Variants in WDR86 observed in about 807,000 individuals in gnomAD.
WDR86 encodes the protein WD repeat domain 86, also known as WD repeat-containing protein 86.
WDR86 carries 30 observed loss-of-function variants against 36.5 expected under a neutral mutation model. The ratio of observed to expected loss-of-function variants is 0.82; its 90% CI spans 0.61 to 1.11. The LOEUF (loss-of-function observed/expected upper bound fraction) is 1.11. WDR86 is among the 50% of genes most tolerant of loss of function. WDR86 has a pLI of 0.00. For synonymous variants in WDR86, 255 were observed against 252.9 expected, an observed-to-expected ratio of 1.01 and a Z score of -0.08; for missense variants, 545 against 561.2, an observed-to-expected ratio of 0.97 and a Z score of 0.29.
upstream of WDR86, chr7:151,410,043 C>A (rs1801101084): frequency 4.0e-6 from 4 of 988,224 alleles, no homozygotes; most frequent in Non-Finnish European, 4.8e-6. Flanking sequence ...TACGGTCCAG[C>A]CTGGCTCCTC....
At chr7:151,398,486 G>A (rs915617328) in intron 2 of WDR86, among the ~76,000 whole-genome samples, 1 of 76,432 alleles carries the variant, frequency 1.3e-5, no homozygotes, top group East Asian at 5.8e-4. Context: ...AGGTGTGTAT[G>A]TGTATATGTG....
chr7:151,375,780 G>A (rs1271572233), downstream of WDR86: 4 of 1,044,316 alleles, frequency 3.8e-6, no homozygotes, highest in South Asian at 1.3e-5. Context: ...ACATGGCAGG[G>A]TGCAGCGCCT....
chr7:151,409,466 A>G lies in WDR86; in HGVS notation c.124T>C (p.Trp42Arg). 1.3e-6 allele frequency: 2 copies of G among 1,539,482 alleles called. No homozygotes were observed. Among genetic ancestry groups the G allele is most frequent in the Non-Finnish European group, 8.7e-7 (1 of 1,148,222 alleles). ...TGSEDGTARL[W>R]STADGQCCAL... ...CAGCACTGGCCGTCCGCGGTGCTCCAGAGCCGGGCCGTGCCGTCCTCGCTG... is the reference window on the plus strand; with the variant it reads ...CAGCACTGGCCGTCCGCGGTGCTCCGGAGCCGGGCCGTGCCGTCCTCGCTG... The change falls in exon 1 of 6, where the codon TGG becomes CGG. Residue 42 changes from tryptophan (W) to arginine (R), a missense_variant. By Grantham distance (101) the Trp-to-Arg change is moderately radical. Transcript: ENST00000334493. This position sits in a 1 kb window ranked among gnomAD's most constrained non-coding sequence, Gnocchi z 5.2.
chr7:151,403,900 G>T (rs1800521321), intron 1 of WDR86, among the ~76,000 whole-genome samples: 1 of 152,212 alleles, frequency 6.6e-6, no homozygotes, highest in African/African-American at 2.4e-5. Flanking sequence ...TGGGCATTCA[G>T]GTGCCAGGCA....
chr7:151,398,471 G>A (rs868744588), intron 2 of WDR86, among the ~76,000 whole-genome samples: 46 of 135,878 alleles, frequency 3.4e-4, no homozygotes, highest in Admixed American at 1.8e-3. Context: ...ACATGTGTAT[G>A]TGTAAGGTGT....
At chr7:151,402,799 T>C (rs1287833728) in intron 1 of WDR86, among the ~76,000 whole-genome samples, 1 of 152,164 alleles carries the variant, frequency 6.6e-6, no homozygotes, top group East Asian at 1.9e-4. Context: ...TTAGATAGCT[T>C]GACTATCACC....
chr7:151,406,971 C>T lies in WDR86; in HGVS notation c.163+2456G>A, dbSNP rs377287332. Among the ~76,000 whole-genome samples, 18 of 152,124 alleles carry T rather than the reference C, an allele frequency of 1.2e-4. 1 individual carries two copies. In the South Asian group the frequency reaches 2.3e-3, roughly 19 times the overall value. On this transcript the variant is annotated intron_variant, in intron 1 of 5. Coordinates refer to ENST00000334493, the MANE Select transcript of WDR86 (RefSeq NM_198285.3). The surrounding 1 kb of genome is among the most constrained non-coding windows in gnomAD (Gnocchi z 4.4). ...CTGCAGGAGAAAGGAACTGGCAACA[C>T]CTTGCTTTCTTTGGGGATCCACACA... is the stretch of plus-strand genomic sequence containing the variant.
intron 3 of WDR86, among the ~76,000 whole-genome samples, chr7:151,386,824 A>G (rs1799021607): frequency 6.6e-6 from 1 of 151,284 alleles, no homozygotes; most frequent in Admixed American, 6.6e-5. Context: ...CCTGGTTTCC[A>G]CTCCACACAC....
At chr7:151,370,325 G>T in the WDR86 span, among the ~76,000 whole-genome samples, 8 of 152,220 alleles carry the variant, frequency 5.3e-5, no homozygotes, top group Admixed American at 2.0e-4. Flanking sequence ...CTGACCTCAA[G>T]TGATCCTCCC....
At position 151,381,302 on chromosome 7, in the gene WDR86, T is replaced by G; in HGVS notation, c.*280A>C. On this transcript the variant is annotated 3_prime_UTR_variant, in exon 6 of 6. Coordinates refer to ENST00000334493, the MANE Select transcript of WDR86 (RefSeq NM_198285.3). This position sits in a 1 kb window ranked among gnomAD's most constrained non-coding sequence, Gnocchi z 4.8. Reference sequence around the variant, plus strand: ...GCCTGCAGCCCCTGAGGTGGGAGGGTCCCCAGGACTAGGCCTTTCGCCAGG... The same window carrying G: ...GCCTGCAGCCCCTGAGGTGGGAGGGGCCCCAGGACTAGGCCTTTCGCCAGG... 7.6e-7 allele frequency: 1 copy of G among 1,314,148 alleles called. No individual in the cohort carries two copies. Among genetic ancestry groups the G allele is most frequent in the South Asian group, 2.2e-5 (1 of 46,382 alleles). 81.4% of individuals were successfully genotyped at this position (1,314,148 alleles called of 1,614,324 possible).
At chr7:151,384,321 A>G (rs1251634946) in intron 4 of WDR86, among the ~76,000 whole-genome samples, 6 of 152,210 alleles carry the variant, frequency 3.9e-5, no homozygotes, top group Admixed American at 3.9e-4. Context: ...AATTCCTCAG[A>G]TAAAAGACTT....
At position 151,381,608 on chromosome 7, in the gene WDR86, C is replaced by T. The variant is rs914805975; in HGVS notation, c.1105G>A (p.Ala369Thr). ...SRLFSNKVGC[A>T]AAPLQPA ...CAGGCCGGCTGCAGGGGCGCGGCGG[C>T]GCAGCCCACCTTGTTGCTGAAGAGC... is the stretch of plus-strand genomic sequence containing the variant. The change falls in exon 6 of 6, where the codon GCC (alanine) becomes ACC (threonine). Residue 369 changes from alanine (A) to threonine (T), a missense_variant. Coordinates refer to ENST00000334493, the MANE Select transcript of WDR86 (RefSeq NM_198285.3). The surrounding 1 kb of genome is among the most constrained non-coding windows in gnomAD (Gnocchi z 4.8). The T allele has an allele frequency of 7.3e-7, 1 of 1,374,162 alleles. No individual in the cohort carries two copies. The highest frequency in any genetic ancestry group is 9.3e-7 in the Non-Finnish European group (1 of 1,074,410). 85.1% of individuals were successfully genotyped at this position (1,374,162 alleles called of 1,614,324 possible).
At chr7:151,404,747 G>A (rs117280087) in intron 1 of WDR86, among the ~76,000 whole-genome samples, 6,919 of 152,366 alleles carry the variant, frequency 0.045, 245 homozygotes, top group Middle Eastern at 0.092. Context: ...TGCTGAGGCT[G>A]ACGGTTTTCT....
At chr7:151,410,350 C>T (rs1801125060), upstream of WDR86, among the ~76,000 whole-genome samples, 1 of 152,210 alleles carries the variant, frequency 6.6e-6, no homozygotes, top group Non-Finnish European at 1.5e-5. Flanking sequence ...TCCACCGACC[C>T]CTCGGCTACT....
At chr7:151,374,540 G>A (rs574569506), downstream of WDR86, 39 of 462,032 alleles carry the variant, frequency 8.4e-5, no homozygotes, top group African/African-American at 4.5e-4. Context: ...AGAGTTTAGT[G>A]AAACAGGCAG....
At position 151,381,223 on chromosome 7, in the gene WDR86, T is replaced by A; in HGVS notation, c.*359A>T. 7.9e-7 allele frequency: 1 copy of A among 1,273,804 alleles called. No homozygotes were observed. The highest frequency in any genetic ancestry group is 9.9e-7 in the Non-Finnish European group (1 of 1,013,838). 78.9% of individuals were successfully genotyped at this position (1,273,804 alleles called of 1,614,324 possible). A position where few individuals can be genotyped will look rare whatever the true frequency, so the allele number is the denominator to read the frequency against. On this transcript the variant is annotated 3_prime_UTR_variant, in exon 6 of 6. Coordinates refer to ENST00000334493, the MANE Select transcript of WDR86 (RefSeq NM_198285.3). The surrounding 1 kb of genome is among the most constrained non-coding windows in gnomAD (Gnocchi z 4.8). ...TCAGTGGCTTCTGTAAAAAGTCACT[T>A]CCTCTCAGCAGGAAAGGCCCAGTTT... is the stretch of plus-strand genomic sequence containing the variant.
intron 2 of WDR86, among the ~76,000 whole-genome samples, 188 bp from the exon 3 acceptor site, chr7:151,396,384 C>A (rs952425026): frequency 2.0e-5 from 3 of 152,232 alleles, no homozygotes; most frequent in Non-Finnish European, 4.4e-5. Context: ...CCTGACTCCC[C>A]TCATGCCCAC....
rs149764438 is a variant in WDR86, at chr7:151,376,035, A to T, written n.1255T>A. On this transcript the variant is annotated non_coding_transcript_exon_variant, in exon 2 of 2. Transcript: ENST00000463000. ...GTGAATCAGGCAGCAGGACTGGGGGAGTCCGTGCTGAAACCTTGGCTCCCA... is the reference window on the plus strand; with the variant it reads ...GTGAATCAGGCAGCAGGACTGGGGGTGTCCGTGCTGAAACCTTGGCTCCCA... The T allele has an allele frequency of 1.2e-3, 1,018 of 817,696 alleles. 10 individuals carry two copies. The African/African-American group carries it at 0.014, about 12-fold the overall frequency. The allele number at this position is 817,696 out of a possible 1,614,324, so 50.7% of individuals were successfully genotyped here.
chr7:151,378,890 T>C (rs904105490), downstream of WDR86, among the ~76,000 whole-genome samples: 3 of 152,198 alleles, frequency 2.0e-5, no homozygotes, highest in African/African-American at 7.2e-5. Flanking sequence ...AACTCTTCCG[T>C]GTCTTGTGAA....
Sources: allele counts gnomAD v4.1 joint callset (sites outside exome capture counted in the v4.1 genomes callset), GRCh38; gene constraint gnomAD v4.1.1; non-coding constraint Gnocchi (gnomAD v3.1); transcripts MANE v1.5; gene names NCBI Gene and HGNC (gene_info 2026-07-23, HGNC 2026-07-21).